S100Z: variants seen among roughly 807,000 people sequenced by gnomAD.
The protein encoded by S100Z is S100 calcium binding protein Z, also known as protein S100-Z.
A neutral mutation model predicts 8.5 loss-of-function variants in S100Z; 11 were observed. The ratio of observed to expected loss-of-function variants is 1.30; its 90% CI spans 0.82 to 2.15. S100Z has a LOEUF of 2.15. Ranked by LOEUF, S100Z falls within the 30% of genes most tolerant of loss-of-function variation. The pLI is 0.00. For synonymous variants in S100Z, 34 were observed against 43.8 expected (o/e 0.78, Z 0.89); for missense variants, 126 against 117.9 (o/e 1.07, Z -0.32).
chr5:76,937,752 C>CAAA, the S100Z span, among the ~76,000 whole-genome samples: 8 of 73,342 alleles, frequency 1.1e-4, 1 homozygote, highest in East Asian at 5.3e-4. Flanking sequence ...GACCCTGTCT[C>CAAA]AAAAAAAAAA....
intron 4 of S100Z, among the ~76,000 whole-genome samples, chr5:76,896,434 T>A (rs117957638): frequency 0.015 from 2,219 of 152,330 alleles, 65 homozygotes; most frequent in East Asian, 0.12. Flanking sequence ...TGTACATTCA[T>A]CGGTTGATGG....
intron 2 of S100Z, among the ~76,000 whole-genome samples, chr5:76,871,290 C>A (rs1331573763): frequency 6.6e-6 from 1 of 152,122 alleles, no homozygotes; most frequent in Non-Finnish European, 1.5e-5. Flanking sequence ...TGCAGCTAGG[C>A]CTTTCCAGAT....
At chr5:76,892,711 T>C (rs1387756373) in intron 4 of S100Z, among the ~76,000 whole-genome samples, 2 of 152,220 alleles carry the variant, frequency 1.3e-5, no homozygotes, top group Admixed American at 1.3e-4. Flanking sequence ...TGCATTCTTT[T>C]GAGGCTTTGA....
chr5:76,869,612 C>A (rs1304116852), intron 1 of S100Z, among the ~76,000 whole-genome samples: 1 of 151,984 alleles, frequency 6.6e-6, no homozygotes, highest in African/African-American at 2.4e-5. Flanking sequence ...AATGGAGGGG[C>A]ATGGTAGAAA....
At chr5:76,883,397 G>C (rs201506779) in intron 4 of S100Z, among the ~76,000 whole-genome samples, 652 of 135,084 alleles carry the variant, frequency 4.8e-3, no homozygotes, top group East Asian at 8.3e-3. Flanking sequence ...TAACTAAAAT[G>C]AGTGCATAAA....
chr5:76,871,691 T>A (rs1743015355), intron 2 of S100Z, among the ~76,000 whole-genome samples: 1 of 151,676 alleles, frequency 6.6e-6, no homozygotes, highest in African/African-American at 2.4e-5. Context: ...CCCGGCTAAT[T>A]TTTTTTTGTA....
chr5:76,873,512 T>TGG, intron 2 of S100Z, among the ~76,000 whole-genome samples: 1 of 152,144 alleles, frequency 6.6e-6, no homozygotes, highest in Admixed American at 6.5e-5. Context: ...TTCACCATTT[T>TGG]GGTCAGGGTG....
At chr5:76,854,850 G>A (rs1579988318) in intron 1 of S100Z, among the ~76,000 whole-genome samples, 1 of 152,238 alleles carries the variant, frequency 6.6e-6, no homozygotes, top group Non-Finnish European at 1.5e-5. Context: ...AGGCCCAAAG[G>A]CCTAGGAGGG....
At chr5:76,894,718 C>G (rs1215047744) in intron 4 of S100Z, among the ~76,000 whole-genome samples, 5 of 151,664 alleles carry the variant, frequency 3.3e-5, no homozygotes, top group Non-Finnish European at 7.4e-5. Flanking sequence ...GCCTCAGCCT[C>G]CCGAGTAGCT....
intron 2 of S100Z, among the ~76,000 whole-genome samples, chr5:76,874,953 C>G (rs898334092): frequency 6.6e-6 from 1 of 151,982 alleles, no homozygotes; most frequent in Non-Finnish European, 1.5e-5. Flanking sequence ...GGCGCGATCT[C>G]GGCTCACTGC....
At chr5:76,946,079 T>A in the S100Z span, among the ~76,000 whole-genome samples, 1 of 152,334 alleles carries the variant, frequency 6.6e-6, no homozygotes, top group Middle Eastern at 3.4e-3. Flanking sequence ...TCTAGTCATT[T>A]GGTTAATTTC....
In S100Z at chr5:76,861,528, G is replaced by A. The variant is rs557801364; in HGVS notation, c.-175-8638G>A. Among the ~76,000 whole-genome samples, 4 of 152,188 alleles carry A rather than the reference G, an allele frequency of 2.6e-5. No homozygotes were observed. The South Asian group carries it at 8.3e-4, about 32-fold the overall frequency. On this transcript the variant is annotated intron_variant, in intron 1 of 4. Transcript: ENST00000317593. ...TAATTTTTGTATTTTTAGTAGAGACGGGGTTTCGCCATGTTGGCCAGGCTG... is the reference window on the plus strand; with the variant it reads ...TAATTTTTGTATTTTTAGTAGAGACAGGGTTTCGCCATGTTGGCCAGGCTG...
At chr5:76,856,198 T>C (rs1314719179) in intron 1 of S100Z, among the ~76,000 whole-genome samples, 1 of 152,192 alleles carries the variant, frequency 6.6e-6, no homozygotes, top group Non-Finnish European at 1.5e-5. Context: ...CCTTCTTTAC[T>C]TTTTTGTTTT....
intron 1 of S100Z, among the ~76,000 whole-genome samples, chr5:76,857,574 A>C (rs923292891): frequency 7.0e-6 from 1 of 143,814 alleles, no homozygotes. Flanking sequence ...ATCTTAGCTC[A>C]CTGCAAACTC....
the S100Z span, among the ~76,000 whole-genome samples, chr5:76,950,748 C>A: frequency 6.6e-6 from 1 of 152,084 alleles, no homozygotes; most frequent in Non-Finnish European, 1.5e-5. Context: ...AAAAAAAAAT[C>A]CAGTTTGCTT....
At chr5:76,934,477 TAATAG>T in the S100Z span, among the ~76,000 whole-genome samples, 1 of 152,220 alleles carries the variant, frequency 6.6e-6, no homozygotes, top group Non-Finnish European at 1.5e-5. Flanking sequence ...ATGGTTTGAC[TAATAG>T]TGTCCCCTCC....
the S100Z span, among the ~76,000 whole-genome samples, chr5:76,939,576 G>A: frequency 6.2e-4 from 92 of 147,286 alleles, 2 homozygotes; most frequent in East Asian, 0.015. Flanking sequence ...GCAATGGTGC[G>A]ATCTTGGCTC....
intron 4 of S100Z, among the ~76,000 whole-genome samples, chr5:76,904,035 G>A (rs1375940414): frequency 2.0e-5 from 3 of 151,838 alleles, no homozygotes; most frequent in Non-Finnish European, 4.4e-5. Flanking sequence ...GTGCCCGGCC[G>A]ACATCTATAT....
At chr5:76,862,409 C>T (rs57495629) in intron 1 of S100Z, among the ~76,000 whole-genome samples, 1,831 of 152,280 alleles carry the variant, frequency 0.012, 20 homozygotes, top group African/African-American at 0.04. Flanking sequence ...ACTTCAGCCG[C>T]TGATTGGTCA....
Sources: allele counts gnomAD v4.1 joint callset (sites outside exome capture counted in the v4.1 genomes callset), GRCh38; gene constraint gnomAD v4.1.1; transcripts MANE v1.5; gene names NCBI Gene and HGNC (gene_info 2026-07-23, HGNC 2026-07-21).